ZNF536: variants seen among roughly 807,000 people sequenced by gnomAD.
ZNF536 encodes the protein zinc finger protein 536.
A neutral mutation model predicts 84.5 loss-of-function variants in ZNF536; 13 were observed. The observed-to-expected ratio is 0.15, with a 90% CI of 0.10 to 0.24. The LOEUF (loss-of-function observed/expected upper bound fraction) is 0.24, where lower values mean the gene tolerates loss of function less well. Ranked by LOEUF, ZNF536 falls within the 10% of genes least tolerant of loss-of-function variation. ZNF536 has a pLI of 1.00. For synonymous variants in ZNF536, 811 were observed against 742.5 expected (o/e 1.09, Z -1.50); for missense variants, 1,536 against 1,747.5 (o/e 0.88, Z 2.16).
At chr19:30,441,747 G>A (rs766965336) in intron 1 of ZNF536, among the ~76,000 whole-genome samples, 3 of 152,224 alleles carry the variant, frequency 2.0e-5, no homozygotes, top group Non-Finnish European at 4.4e-5. Context: ...TTGCACAGTT[G>A]TGCATATCTT....
intron 1 of ZNF536, among the ~76,000 whole-genome samples, chr19:30,624,831 A>G (rs1204007870): frequency 6.6e-6 from 1 of 152,154 alleles, no homozygotes; most frequent in African/African-American, 2.4e-5. Context: ...TCATGGAGGC[A>G]GTTTCTCCCA....
intron 1 of ZNF536, among the ~76,000 whole-genome samples, chr19:30,682,665 G>T (rs1255339573): frequency 7.2e-5 from 11 of 152,202 alleles, no homozygotes; most frequent in Admixed American, 7.2e-4. Context: ...AGATGGTGTC[G>T]TTGCTTTCCT....
chr19:30,332,167 C>T (rs932928455), intron 2 of ZNF536, among the ~76,000 whole-genome samples: 1 of 152,206 alleles, frequency 6.6e-6, no homozygotes, highest in African/African-American at 2.4e-5. Context: ...ATTGGCCACA[C>T]TGGCTTTTCT....
intron 1 of ZNF536, among the ~76,000 whole-genome samples, chr19:30,411,637 C>A (rs1489277069): frequency 6.6e-6 from 1 of 152,124 alleles, no homozygotes; most frequent in Non-Finnish European, 1.5e-5. Flanking sequence ...TTTCGGGCTT[C>A]TCTCTACCTG....
At chr19:30,334,527 C>T (rs2047316799) in intron 2 of ZNF536, among the ~76,000 whole-genome samples, 1 of 152,152 alleles carries the variant, frequency 6.6e-6, no homozygotes, top group Non-Finnish European at 1.5e-5. Context: ...GTTTTCTCCA[C>T]CCATCGCTGG....
intron 1 of ZNF536, among the ~76,000 whole-genome samples, chr19:30,576,245 AG>A (rs1200834529): frequency 6.6e-6 from 1 of 152,150 alleles, no homozygotes; most frequent in Non-Finnish European, 1.5e-5. Context: ...GAGGCCGGGA[AG>A]GAGGCTGTTG....
At chr19:30,488,758 C>G (rs547117140) in intron 2 of ZNF536, among the ~76,000 whole-genome samples, 1 of 152,178 alleles carries the variant, frequency 6.6e-6, no homozygotes, top group Admixed American at 6.5e-5. Flanking sequence ...CAGCCTCCCT[C>G]CCCTTTCTTC....
At chr19:30,360,061 TGCGGGTCAGAGAGGCAA>T (rs1228879478) in intron 3 of ZNF536, among the ~76,000 whole-genome samples, 12 of 152,192 alleles carry the variant, frequency 7.9e-5, no homozygotes, top group Non-Finnish European at 2.9e-5. Context: ...ATGAAGAGTC[TGCGGGTCAGAGAGGCAA>T]GCAGGTGGCC....
rs147319912 is a variant in ZNF536 at position 30,415,679 on chromosome 19, C to T, written c.-2-27882C>T. 6.1e-3 allele frequency among the ~76,000 whole-genome samples: 930 copies of T among 152,162 alleles called. 10 individuals are homozygous for T. Among genetic ancestry groups the T allele is most frequent in the African/African-American group, 0.021 (879 of 41,516 alleles). ...GGGCTGGAGTGCAGTGGCATGATCT[C>T]GGCTCACTGCAAGCTCAGCCTCCTG... On this transcript the variant is annotated intron_variant, in intron 1 of 4. Transcript: ENST00000355537.
chr19:30,643,463 A>G (rs759769796), intron 1 of ZNF536, among the ~76,000 whole-genome samples: 10 of 152,140 alleles, frequency 6.6e-5, no homozygotes, highest in Non-Finnish European at 1.5e-4. Context: ...AAACTTTTAT[A>G]CCATTTATAC....
chr19:30,406,437 T>G (rs1341211667), intron 1 of ZNF536, among the ~76,000 whole-genome samples: 1 of 152,100 alleles, frequency 6.6e-6, no homozygotes, highest in African/African-American at 2.4e-5. Flanking sequence ...ACCGCTTTAC[T>G]CCAGGCCAAC....
chr19:30,551,830 C>A (rs2045794338), intron 4 of ZNF536, among the ~76,000 whole-genome samples: 1 of 152,152 alleles, frequency 6.6e-6, no homozygotes, highest in South Asian at 2.1e-4. Context: ...CTTGCATTTG[C>A]TTGGGGGTGG....
intron 1 of ZNF536, among the ~76,000 whole-genome samples, chr19:30,588,305 T>C (rs1189023233): frequency 3.3e-5 from 5 of 152,202 alleles, no homozygotes; most frequent in Non-Finnish European, 7.3e-5. Context: ...CCAGAGTCTC[T>C]TTAGATACAT....
chr19:30,378,745 G>T (rs1261739286), intron 1 of ZNF536, among the ~76,000 whole-genome samples: 2 of 152,218 alleles, frequency 1.3e-5, no homozygotes, highest in Admixed American at 1.3e-4. Context: ...ACAAAAACTG[G>T]TGAACTTTCT....
At chr19:30,487,303 A>C (rs2054338231) in intron 2 of ZNF536, among the ~76,000 whole-genome samples, 1 of 152,256 alleles carries the variant, frequency 6.6e-6, no homozygotes, top group African/African-American at 2.4e-5. Context: ...GCACTGGGGC[A>C]TTCCATGGAG....
At position 30,534,886 on chromosome 19, in the gene ZNF536, A is replaced by C. The variant is rs2145933055; in HGVS notation, c.2210A>C (p.Gln737Pro). The change falls in exon 3 of 5, where the codon CAA becomes CCA. Residue 737 changes from glutamine (Q) to proline (P), a missense_variant. Coordinates refer to ENST00000355537, the MANE Select transcript of ZNF536 (RefSeq NM_014717.3). ...GCTGGGAGATCTGCCGGCGTCCAGC[A>C]ACCAGCGCTGCTTCGCGACAGAAGC... ...EEAGRSAGVQ[Q>P]PALLRDRSLG... 1 of 1,613,852 alleles carries C rather than the reference A, an allele frequency of 6.2e-7. No individual in the cohort carries two copies.
chr19:30,353,118 G>T (rs967260280), intron 3 of ZNF536, among the ~76,000 whole-genome samples: 5 of 152,142 alleles, frequency 3.3e-5, no homozygotes, highest in African/African-American at 1.2e-4. Context: ...AGACATCAAG[G>T]CCAGTCGATA....
rs545878150 is a variant in ZNF536, at chr19:30,604,022, C to G, written c.169+54508C>G. The stretch of plus-strand genomic sequence containing the variant: ...GGAGAATCGCTTGAACCTGGGAGGC[C>G]GAGGCTGCAGTGAGCCGAGATTGCA... On this transcript the variant is annotated intron_variant, in intron 1 of 1. Transcript: ENST00000592773. Among the ~76,000 whole-genome samples, 8 of 152,060 alleles carry G rather than the reference C, an allele frequency of 5.3e-5. No homozygotes were observed. The East Asian group carries it at 1.6e-3, about 29-fold the overall frequency.
rs200494382 is a variant in ZNF536, at chr19:30,444,956, C to A, written c.1394C>A (p.Ala465Glu). The change falls in exon 2 of 5, where the codon GCG (alanine) becomes GAG (glutamate). Residue 465 changes from alanine (A) to glutamate (E), a missense_variant. This residue lies in a region of ZNF536 where 366 missense variants were observed against 364.4 expected (regional missense o/e 1.00). Transcript: ENST00000355537. ...KGELPMKEKE[A>E]LGKLLSPISS... Reference sequence around the variant, plus strand: ...GAGCTGCCCATGAAGGAGAAGGAAGCGCTGGGGAAGCTGCTGTCTCCCATC... The same window carrying A: ...GAGCTGCCCATGAAGGAGAAGGAAGAGCTGGGGAAGCTGCTGTCTCCCATC... The A allele has an allele frequency of 2.0e-4, 330 of 1,611,386 alleles. 1 individual carries two copies. The highest frequency in any genetic ancestry group is 2.5e-4 in the Non-Finnish European group (298 of 1,178,968).
Sources: allele counts gnomAD v4.1 joint callset (sites outside exome capture counted in the v4.1 genomes callset), GRCh38; gene constraint gnomAD v4.1.1; regional missense constraint gnomAD v4.1.1; transcripts MANE v1.5; gene names NCBI Gene and HGNC (gene_info 2026-07-23, HGNC 2026-07-21).